Variants in THSD4 observed in about 807,000 individuals in gnomAD.
THSD4 encodes thrombospondin type 1 domain containing 4.
Under a neutral mutation model 119.0 loss-of-function variants are expected in THSD4, and 69 were observed. The observed-to-expected ratio is 0.58, with a 90% CI of 0.48 to 0.71. The LOEUF is 0.71. THSD4 is among the 30% of genes least tolerant of loss of function. The probability of loss-of-function intolerance (pLI) is 0.00; values close to 1 mark genes in which losing one functional copy is unlikely to be tolerated. For synonymous variants in THSD4, 524 were observed against 540.4 expected (o/e 0.97, Z 0.42); for missense variants, 1,393 against 1,391.1 (o/e 1.00, Z -0.02).
intron 15 of THSD4, among the ~76,000 whole-genome samples, chr15:71,764,391 G>A (rs2053679193): frequency 6.6e-6 from 1 of 152,204 alleles, no homozygotes; most frequent in African/African-American, 2.4e-5. Context: ...ATATGTAATT[G>A]CCTGGCTTCT....
chr15:71,715,704 T>C (rs933819576), intron 8 of THSD4, among the ~76,000 whole-genome samples: 1 of 151,944 alleles, frequency 6.6e-6, no homozygotes. Flanking sequence ...GAACAACCCT[T>C]CCACTTATTC....
rs1051436138 is a variant in THSD4, at chr15:71,215,191, C to A, written c.256C>A (p.Arg86Ser). 5.1e-6 allele frequency: 7 copies of A among 1,361,024 alleles called. No homozygotes were observed. In the African/African-American group the frequency reaches 7.7e-5, roughly 15 times the overall value. The allele number at this position is 1,361,024 out of a possible 1,614,324, so 84.3% of individuals were successfully genotyped here. The change falls in exon 4 of 18, where the codon CGC becomes AGC. Residue 86 changes from arginine (R) to serine (S), a missense_variant. By Grantham distance (110) the Arg-to-Ser change is moderately radical. Transcript: ENST00000261862. The stretch of plus-strand genomic sequence containing the variant: ...GCGGCCCTGCCTGCCCCGCTCCTAC[C>A]GCCTGCGCGGCGGCCAGCGGCCTGG... ...QTRPCLPRSY[R>S]LRGGQRPGAP...
intron 3 of THSD4, among the ~76,000 whole-genome samples, chr15:71,165,958 T>C (rs2043291132): frequency 6.6e-6 from 1 of 152,080 alleles, no homozygotes; most frequent in South Asian, 2.1e-4. Flanking sequence ...TGAGTGGTTA[T>C]GTGGTGCTCT....
intron 3 of THSD4, among the ~76,000 whole-genome samples, chr15:71,206,415 G>A (rs1370166648): frequency 6.6e-6 from 1 of 152,154 alleles, no homozygotes; most frequent in African/African-American, 2.4e-5. Context: ...GCTTTCATTT[G>A]CTCTCAGGTT....
intron 7 of THSD4, among the ~76,000 whole-genome samples, chr15:71,601,404 A>G (rs1404196396): frequency 2.0e-5 from 3 of 152,162 alleles, no homozygotes; most frequent in African/African-American, 7.2e-5. Flanking sequence ...TTGCTCCCTT[A>G]TGGCCTCCAT....
chr15:71,365,608 C>G (rs1301981688), intron 6 of THSD4, among the ~76,000 whole-genome samples: 1 of 152,030 alleles, frequency 6.6e-6, no homozygotes, highest in East Asian at 1.9e-4. Context: ...TCTCTTGCTT[C>G]CTTGGGAGGC....
Position 71,782,203 on chromosome 15 carries a change from C to G in THSD4, c.*4829C>G, listed in dbSNP as rs74356245. The G allele has an allele frequency of 6.6e-6, 1 of 152,184 alleles. No homozygotes were observed. Among genetic ancestry groups the G allele is most frequent in the African/African-American group, 2.4e-5 (1 of 41,420 alleles). 9.4% of individuals were successfully genotyped at this position (152,184 alleles called of 1,614,324 possible). A position where few individuals can be genotyped will look rare whatever the true frequency, so the allele number is the denominator to read the frequency against. ...TTTGCAGGGGCAAAGTAACTCCCTG[C>G]ACCCTGAACCACCCCCCATTCCTGT... On this transcript the variant is annotated 3_prime_UTR_variant, in exon 18 of 18. Transcript: ENST00000261862.
At chr15:71,585,903 CGTT>C (rs1489875937) in intron 7 of THSD4, among the ~76,000 whole-genome samples, 1 of 151,936 alleles carries the variant, frequency 6.6e-6, no homozygotes, top group African/African-American at 2.4e-5. Flanking sequence ...TCAGTTCAGT[CGTT>C]GTATTACTTA....
chr15:71,612,001 A>G (rs1485175852), intron 7 of THSD4, among the ~76,000 whole-genome samples: 1 of 152,230 alleles, frequency 6.6e-6, no homozygotes, highest in East Asian at 1.9e-4. Flanking sequence ...CAAGAACTGC[A>G]TTTAAATCAG....
intron 6 of THSD4, among the ~76,000 whole-genome samples, chr15:71,388,312 G>A (rs1473271961): frequency 6.6e-6 from 1 of 152,156 alleles, no homozygotes; most frequent in Non-Finnish European, 1.5e-5. Context: ...CTAGGTGCCA[G>A]GTACTTTATA....
chr15:71,177,796 C>T (rs545374993), intron 3 of THSD4, among the ~76,000 whole-genome samples: 1 of 147,342 alleles, frequency 6.8e-6, no homozygotes, highest in African/African-American at 2.5e-5. Context: ...CCACCATGAT[C>T]AAGTGGGCTT....
chr15:71,582,542 A>T (rs993023673), intron 7 of THSD4, among the ~76,000 whole-genome samples: 1 of 152,102 alleles, frequency 6.6e-6, no homozygotes, highest in South Asian at 2.1e-4. Flanking sequence ...GCAAGAGTGG[A>T]CATCCTTGTC....
chr15:71,723,656 A>G (rs2052765028), intron 8 of THSD4, among the ~76,000 whole-genome samples: 1 of 152,186 alleles, frequency 6.6e-6, no homozygotes, highest in Non-Finnish European at 1.5e-5. Context: ...GGACAAACTG[A>G]ATTAAACTGA....
chr15:71,446,470 C>T (rs959272448), intron 7 of THSD4, among the ~76,000 whole-genome samples: 6 of 152,150 alleles, frequency 3.9e-5, no homozygotes, highest in African/African-American at 7.2e-5. Flanking sequence ...TTACCTTATA[C>T]GTTGGTCTTG....
At chr15:71,577,143 T>C (rs1351856363) in intron 7 of THSD4, among the ~76,000 whole-genome samples, 1 of 152,048 alleles carries the variant, frequency 6.6e-6, no homozygotes, top group Non-Finnish European at 1.5e-5. Context: ...ATATTCAAAA[T>C]TATCTCACCT....
chr15:71,487,464 G>A (rs964280565), intron 7 of THSD4, among the ~76,000 whole-genome samples: 2 of 152,088 alleles, frequency 1.3e-5, no homozygotes, highest in African/African-American at 2.4e-5. Context: ...TCTAAGTCTC[G>A]GGATATATAA....
chr15:71,701,504 C>T (rs558156134), intron 8 of THSD4, among the ~76,000 whole-genome samples: 1 of 152,006 alleles, frequency 6.6e-6, no homozygotes, highest in East Asian at 1.9e-4. Flanking sequence ...CCATTGCAGC[C>T]AGTTTTATAA....
chr15:71,360,710 T>C (rs1326054691), intron 6 of THSD4, among the ~76,000 whole-genome samples: 1 of 152,242 alleles, frequency 6.6e-6, no homozygotes, highest in African/African-American at 2.4e-5. Flanking sequence ...CAAGAAGGGC[T>C]TTAGAAATTA....
chr15:71,417,776 A>G lies in THSD4; in HGVS notation c.1152+5953A>G, dbSNP rs2046775610. 1.8e-5 allele frequency among the ~76,000 whole-genome samples: 2 copies of G among 108,328 alleles called. 1 individual carries two copies. Among genetic ancestry groups the G allele is most frequent in the African/African-American group, 6.3e-5 (2 of 31,896 alleles). 71.1% of individuals were successfully genotyped at this position (108,328 alleles called of 152,430 possible). On this transcript the variant is annotated intron_variant, in intron 7 of 17. Transcript: ENST00000261862. ...TTGTGTTTTTCTATTTCCGTGAAGA[A>G]TTTCATTGGTATTTTGATAAGGATT... is the stretch of plus-strand genomic sequence containing the variant.
Sources: allele counts gnomAD v4.1 joint callset (sites outside exome capture counted in the v4.1 genomes callset), GRCh38; gene constraint gnomAD v4.1.1; transcripts MANE v1.5; gene names NCBI Gene and HGNC (gene_info 2026-07-23, HGNC 2026-07-21).